Variants in C12orf76 observed in about 807,000 individuals in gnomAD.
The protein encoded by C12orf76 is chromosome 12 open reading frame 76, also known as uncharacterized protein C12orf76.
In C12orf76, 6 loss-of-function variants were observed where a neutral mutation model predicts 6.8. The ratio of observed to expected loss-of-function variants is 0.88; its 90% CI spans 0.48 to 1.73. The LOEUF is 1.73. Ranked by LOEUF, C12orf76 falls within the 40% of genes most tolerant of loss-of-function variation. The pLI is 0.01. For missense variants in C12orf76, 99 were observed against 98.2 expected (o/e 1.01, Z -0.03); for synonymous variants, 56 against 43.7 (o/e 1.28, Z -1.11).
chr12:110,050,461 A>G (rs900274550), upstream of C12orf76: 24 of 155,820 alleles, frequency 1.5e-4, no homozygotes, highest in African/African-American at 4.3e-4. Flanking sequence ...ACAGGATGAT[A>G]TAGGAGGTCA....
In C12orf76 at chr12:110,056,769, T is replaced by G. The variant is rs1028514240; in HGVS notation, n.664+420A>C. On this transcript the variant is annotated intron_variant and non_coding_transcript_variant, in intron 4 of 4. Coordinates refer to the C12orf76 transcript ENST00000309050. ...GGTGGGAGATAGTGACTAAGTCTTA[T>G]GAGATCTGATGGTTTTATAAGAGGT... 4.0e-5 allele frequency: 7 copies of G among 173,796 alleles called. No individual in the cohort carries two copies. In the Admixed American group the frequency reaches 4.1e-4, roughly 10 times the overall value. The allele number at this position is 173,796 out of a possible 1,614,324, so 10.8% of individuals were successfully genotyped here.
At chr12:110,050,869 G>C (rs1025051447), upstream of C12orf76, 1 of 616,076 alleles carries the variant, frequency 1.6e-6, no homozygotes, top group Non-Finnish European at 2.9e-6. Context: ...CCCTCTTGGG[G>C]TCTGGATCGG....
intron 1 of C12orf76, among the ~76,000 whole-genome samples, chr12:110,066,299 G>A (rs1213178541): frequency 6.8e-6 from 1 of 147,240 alleles, no homozygotes; most frequent in Non-Finnish European, 1.5e-5. Context: ...AATCCAGGGG[G>A]CAGGGGTTGC....
At chr12:110,043,373 GAA>G (rs61073586) in intron 1 of C12orf76, among the ~76,000 whole-genome samples, 74 of 145,232 alleles carry the variant, frequency 5.1e-4, no homozygotes, top group African/African-American at 1.7e-3. Context: ...GATTTAGTCG[GAA>G]AAAAAAAAAA....
At chr12:110,050,502 G>A (rs1354356438), upstream of C12orf76, 1 of 160,338 alleles carries the variant, frequency 6.2e-6, no homozygotes, top group East Asian at 1.8e-4. Flanking sequence ...AGACCTTGCT[G>A]ATAAAACAGG....
At chr12:110,073,289 C>A (rs1892982803) in intron 1 of C12orf76, 2 of 436,738 alleles carry the variant, frequency 4.6e-6, no homozygotes. Context: ...CCCTCCCGCC[C>A]GGTTTGCTGT....
chr12:110,050,664 G>A, upstream of C12orf76: 1 of 318,442 alleles, frequency 3.1e-6, no homozygotes. Context: ...GTCTAAAAGG[G>A]GGAGGCATGA....
intron 2 of C12orf76, among the ~76,000 whole-genome samples, chr12:110,065,473 G>C (rs1892843870): frequency 6.6e-6 from 1 of 151,952 alleles, no homozygotes; most frequent in Non-Finnish European, 1.5e-5. Context: ...CCCACTCCTT[G>C]ATCTCTCCTC....
intron 4 of C12orf76, chr12:110,057,174 C>A: frequency 1.3e-6 from 2 of 1,579,774 alleles, no homozygotes; most frequent in South Asian, 1.1e-5. Flanking sequence ...ATATAAGTGA[C>A]TTTCGCAGAC....
At chr12:110,065,903 T>C in exon 2 of C12orf76, 3 of 1,614,112 alleles carry the variant, frequency 1.9e-6, no homozygotes, top group Non-Finnish European at 2.5e-6. Flanking sequence ...CTTTTGTGCT[T>C]CCAGATCTTT....
chr12:110,042,790 G>T (rs1461759918), intron 1 of C12orf76, among the ~76,000 whole-genome samples: 1 of 152,126 alleles, frequency 6.6e-6, no homozygotes, highest in African/African-American at 2.4e-5. Context: ...GAGTGTGGTG[G>T]CTCGTGTCTG....
chr12:110,066,527 A>C lies in C12orf76; in HGVS notation n.207-494T>G, dbSNP rs189110174. On this transcript the variant is annotated intron_variant and non_coding_transcript_variant, in intron 1 of 4. Coordinates refer to the C12orf76 transcript ENST00000309050. ...ACATGGAGAAACCCCATCTCTACTA[A>C]AAATACAAAATTAGTAGGGCGTGGT... is the stretch of plus-strand genomic sequence containing the variant. 1.4e-3 allele frequency among the ~76,000 whole-genome samples: 213 copies of C among 152,054 alleles called. 1 individual carries two copies. Among genetic ancestry groups the C allele is most frequent in the African/African-American group, 4.9e-3 (205 of 41,488 alleles).
chr12:110,066,729 T>C (rs1808451840), intron 1 of C12orf76, among the ~76,000 whole-genome samples: 1 of 151,588 alleles, frequency 6.6e-6, no homozygotes, highest in Non-Finnish European at 1.5e-5. Flanking sequence ...GGGCCACGCT[T>C]GAGTTGGATT....
chr12:110,056,586 A>G lies in C12orf76; in HGVS notation n.664+603T>C, dbSNP rs143740349. Among the ~76,000 whole-genome samples, 689 of 152,248 alleles carry G rather than the reference A, an allele frequency of 4.5e-3. 4 individuals are homozygous for G. Among genetic ancestry groups the G allele is most frequent in the African/African-American group, 0.016 (671 of 41,548 alleles). On this transcript the variant is annotated intron_variant and non_coding_transcript_variant, in intron 4 of 4. Transcript: ENST00000309050. Reference sequence around the variant, plus strand: ...CACAGTAAGACTCCAGTCTCTTAAAAAGAAGAAGAAAAAGAGGAAAGCTGG... The same window carrying G: ...CACAGTAAGACTCCAGTCTCTTAAAGAGAAGAAGAAAAAGAGGAAAGCTGG...
intron 3 of C12orf76, among the ~76,000 whole-genome samples, chr12:110,058,518 A>G (rs927974114): frequency 1.3e-5 from 2 of 152,170 alleles, no homozygotes; most frequent in Non-Finnish European, 2.9e-5. Context: ...TGCAAAAATT[A>G]TCCAGTTGTG....
At chr12:110,060,515 C>T (rs1892752099) in intron 2 of C12orf76, among the ~76,000 whole-genome samples, 1 of 152,184 alleles carries the variant, frequency 6.6e-6, no homozygotes, top group African/African-American at 2.4e-5. Context: ...CCCTCACCTC[C>T]TTCCCTTAGC....
At chr12:110,042,582 A>T in intron 1 of C12orf76, 123 bp from the exon 2 acceptor site, 2 of 719,858 alleles carry the variant, frequency 2.8e-6, no homozygotes, top group Non-Finnish European at 5.1e-6. Flanking sequence ...CTGTGCAAAC[A>T]GCTGTAAACA....
chr12:110,069,452 C>CA (rs1018936459), upstream of C12orf76, among the ~76,000 whole-genome samples: 30 of 152,224 alleles, frequency 2.0e-4, no homozygotes, highest in African/African-American at 7.2e-4. Context: ...AACAAACAAA[C>CA]AAACAAAAAA....
At chr12:110,061,379 G>T (rs1288535202) in intron 2 of C12orf76, among the ~76,000 whole-genome samples, 1 of 151,644 alleles carries the variant, frequency 6.6e-6, no homozygotes, top group Admixed American at 6.6e-5. Flanking sequence ...TTCTAATATT[G>T]CTCGAAGTCA....
Sources: gnomAD v4.1 joint callset for allele counts (sites outside exome capture counted in the v4.1 genomes callset) on GRCh38, gnomAD v4.1.1 for gene constraint, MANE v1.5 for transcripts, NCBI Gene and HGNC (gene_info 2026-07-23, HGNC 2026-07-21) for gene names.